Variants in GAK observed in about 807,000 individuals in gnomAD.
GAK encodes cyclin G associated kinase, also known as cyclin-G-associated kinase.
GAK carries 79 observed loss-of-function variants against 143.9 expected under a neutral mutation model. The ratio of observed to expected loss-of-function variants is 0.55; its 90% CI spans 0.46 to 0.66. GAK has a LOEUF of 0.66. Among genes scored for constraint, GAK ranks in the 30% least tolerant of loss-of-function variants. The pLI is 0.00. For missense variants in GAK, 1,693 were observed against 1,779.7 expected, an observed-to-expected ratio of 0.95 and a Z score of 0.88; for synonymous variants, 881 against 765.5, an observed-to-expected ratio of 1.15 and a Z score of -2.49.
chr4:918,416 A>G (rs1026104897), intron 1 of GAK, among the ~76,000 whole-genome samples: 7 of 152,262 alleles, frequency 4.6e-5, no homozygotes, highest in African/African-American at 1.7e-4. Flanking sequence ...AAAGGCATAA[A>G]GATCAAAAAG....
chr4:903,216 G>A (rs1720291073), intron 5 of GAK, among the ~76,000 whole-genome samples: 1 of 152,184 alleles, frequency 6.6e-6, no homozygotes. Flanking sequence ...TGGCAGTGTG[G>A]TGGGCAGGAC....
At chr4:907,223 A>G (rs1721241806) in intron 4 of GAK, among the ~76,000 whole-genome samples, 1 of 152,176 alleles carries the variant, frequency 6.6e-6, no homozygotes, top group African/African-American at 2.4e-5. Context: ...AGCACAGCCC[A>G]GCACTGCCCC....
chr4:856,332 CAG>C (rs1560280444), intron 24 of GAK, among the ~76,000 whole-genome samples: 6 of 144,114 alleles, frequency 4.2e-5, no homozygotes, highest in African/African-American at 8.1e-5. Context: ...CTGCTCACCA[CAG>C]CTGCTCACAC....
At chr4:860,576 G>C (rs1035827739) in intron 23 of GAK, among the ~76,000 whole-genome samples, 1 of 152,144 alleles carries the variant, frequency 6.6e-6, no homozygotes, top group African/African-American at 2.4e-5. Context: ...TCAAACTGGC[G>C]AGACACCTTC....
chr4:862,573 G>A (rs1750489488), intron 23 of GAK, among the ~76,000 whole-genome samples: 1 of 152,000 alleles, frequency 6.6e-6, no homozygotes, highest in Non-Finnish European at 1.5e-5. Flanking sequence ...CAGGAGAATG[G>A]TGTCAACCCG....
At position 887,910 on chromosome 4, in the gene GAK, C is replaced by T. The variant is rs1038853066; in HGVS notation, c.1205+937G>A. 3.5e-5 allele frequency: 3 copies of T among 85,132 alleles called. No individual in the cohort carries two copies. In the East Asian group the frequency reaches 2.1e-3, roughly 58 times the overall value. 5.3% of individuals were successfully genotyped at this position (85,132 alleles called of 1,614,324 possible). On this transcript the variant is annotated intron_variant, in intron 11 of 27. Transcript: ENST00000314167. The stretch of plus-strand genomic sequence containing the variant: ...TCACACCAGCATTTACACACACATG[C>T]ACACATGTTCACATATGTATGTTAA...
rs757416130 is a variant in GAK, at chr4:859,617, G to A, written c.3272C>T (p.Ser1091Phe). Reference sequence around the variant, plus strand: ...GCCCTCCACGTTACCTTGGAGGCCGGAGCTGAGGTCGCCAAGGTCAGCAAA... The same window carrying A: ...GCCCTCCACGTTACCTTGGAGGCCGAAGCTGAGGTCGCCAAGGTCAGCAAA... ...DPFADLGDLS[S>F]GLQGSPAGFP... Residue 1091 changes from serine to phenylalanine, a missense_variant, in exon 24 of 28, where the codon TCC becomes TTC. Transcript: ENST00000314167. The A allele has an allele frequency of 6.3e-7, 1 of 1,598,486 alleles. No individual in the cohort carries two copies. The highest frequency in any genetic ancestry group is 1.7e-5 in the Admixed American group (1 of 59,752).
chr4:854,134 T>TA (rs1204776688), intron 24 of GAK, among the ~76,000 whole-genome samples: 2 of 150,434 alleles, frequency 1.3e-5, no homozygotes, highest in East Asian at 1.9e-4. Flanking sequence ...TTTTTTTTTT[T>TA]AATTGATCAT....
rs753290164 is a variant in GAK at position 850,954 on chromosome 4, C to G, written c.3639G>C (p.Thr1213=). The G allele has an allele frequency of 1.2e-6, 2 of 1,613,422 alleles. No individual in the cohort carries two copies. Among genetic ancestry groups the G allele is most frequent in the South Asian group, 1.1e-5 (1 of 91,060 alleles). The change falls in exon 26 of 28, where the codon ACG becomes ACC. Residue 1213 remains threonine, a synonymous_variant. Transcript: ENST00000314167. ...EMRKQDLAKD[T]DPLKLKLLDW... ...CACCCACCTTCAGCTTGAGTGGGTC[C>G]GTGTCTTTAGCCAGGTCCTGCTTCC...
intron 1 of GAK, among the ~76,000 whole-genome samples, chr4:926,509 G>A (rs1169040270): frequency 6.6e-6 from 1 of 152,178 alleles, no homozygotes; most frequent in Non-Finnish European, 1.5e-5. Flanking sequence ...TCTGCGAGAT[G>A]GAAGTAATTA....
chr4:907,892 T>C (rs1721367703), intron 4 of GAK, among the ~76,000 whole-genome samples: 1 of 152,172 alleles, frequency 6.6e-6, no homozygotes, highest in Admixed American at 6.5e-5. Context: ...TGCGTTAGTC[T>C]GCCTCGTGTA....
intron 23 of GAK, among the ~76,000 whole-genome samples, chr4:860,117 CCT>C (rs769957922): frequency 5.3e-5 from 8 of 151,930 alleles, no homozygotes; most frequent in Non-Finnish European, 1.2e-4. Flanking sequence ...ATAGAAATAC[CCT>C]GTCTCTACAA....
intron 20 of GAK, 60 bp downstream of exon 20, chr4:868,479 G>A (rs1234413706): frequency 7.7e-6 from 12 of 1,565,678 alleles, no homozygotes; most frequent in African/African-American, 1.4e-5. Flanking sequence ...CTGCCCCAGG[G>A]GCACCTCCAG....
At chr4:862,770 C>T (rs999573829) in intron 23 of GAK, among the ~76,000 whole-genome samples, 3 of 152,148 alleles carry the variant, frequency 2.0e-5, no homozygotes, top group African/African-American at 7.2e-5. Flanking sequence ...ATTTTAAGTC[C>T]ACTGTTGAGA....
intron 4 of GAK, among the ~76,000 whole-genome samples, chr4:910,049 G>A (rs568385754): frequency 6.6e-6 from 1 of 152,244 alleles, no homozygotes; most frequent in East Asian, 1.9e-4. Context: ...GCTGCCAGGT[G>A]TGGCATCAAG....
intron 1 of GAK, among the ~76,000 whole-genome samples, chr4:918,026 G>A (rs927794004): frequency 6.6e-5 from 10 of 152,196 alleles, no homozygotes; most frequent in African/African-American, 2.4e-4. Flanking sequence ...AACCAAAGAA[G>A]GGTATAAATA....
rs189263709 is a variant in GAK, at chr4:889,759, G to T, written c.1081+773C>A. The stretch of plus-strand genomic sequence containing the variant: ...GCCATGCAGAGCTGCAGACCCAGCC[G>T]CTGCCTGTCAGGGCCATGTCCTCGA... On this transcript the variant is annotated intron_variant, in intron 10 of 27. Coordinates refer to ENST00000314167, the MANE Select transcript of GAK (RefSeq NM_005255.4). Among the ~76,000 whole-genome samples, 4 of 152,218 alleles carry T rather than the reference G, an allele frequency of 2.6e-5. 1 individual carries two copies. Among genetic ancestry groups the T allele is most frequent in the Non-Finnish European group, 5.9e-5 (4 of 68,032 alleles).
At chr4:871,008 G>A (rs1334198103) in intron 18 of GAK, 104 bp from the exon 19 acceptor site, 4 of 1,036,758 alleles carry the variant, frequency 3.9e-6, no homozygotes, top group East Asian at 5.3e-5. Context: ...GCAGCTGCAG[G>A]CAGCGGGGCG....
rs112225848 is a variant in GAK, at chr4:867,008, C to T, written c.2820G>A (p.Pro940=). 54,391 of 1,501,236 alleles carry T rather than the reference C, an allele frequency of 0.036. 1,101 individuals carry two copies. The highest frequency in any genetic ancestry group is 0.041 in the Non-Finnish European group (46,362 of 1,125,574). 93.0% of individuals were successfully genotyped at this position (1,501,236 alleles called of 1,614,324 possible). The change falls in exon 21 of 28, where the codon CCG becomes CCA. Residue 940 remains proline (P), a synonymous_variant. Coordinates refer to ENST00000314167, the MANE Select transcript of GAK (RefSeq NM_005255.4). The stretch of plus-strand genomic sequence containing the variant: ...TGCTCTGCACGCTCAGGGGAGGGGC[C>T]GGGCTTGCCAGGAGCAGCGGGTCCT... ...LSEDPLLLAS[P]APPLSVQSTP... is the part of the protein sequence containing the mutation.
Sources: gnomAD v4.1 joint callset for allele counts (sites outside exome capture counted in the v4.1 genomes callset) on GRCh38, gnomAD v4.1.1 for gene constraint, MANE v1.5 for transcripts, NCBI Gene and HGNC (gene_info 2026-07-23, HGNC 2026-07-21) for gene names.